Variants in CREBL2 observed in about 807,000 individuals in gnomAD.
CREBL2 encodes cAMP-responsive element-binding protein-like 2.
In CREBL2, 4 loss-of-function variants were observed where a neutral mutation model predicts 19.5. The ratio of observed to expected loss-of-function variants is 0.20; its 90% CI spans 0.10 to 0.47. The LOEUF (loss-of-function observed/expected upper bound fraction) is 0.47. Among genes scored for constraint, CREBL2 ranks in the 20% least tolerant of loss-of-function variants. The pLI is 0.98. For missense variants in CREBL2, 85 were observed against 145.1 expected (o/e 0.59, Z 2.13); for synonymous variants, 42 against 46.6 (o/e 0.90, Z 0.40).
At position 12,641,980 on chromosome 12, in the gene CREBL2, CTT is replaced by C. The variant is rs1175563094; in HGVS notation, c.359-11_359-10del. The C allele has an allele frequency of 1.3e-6, 2 of 1,541,124 alleles. No individual in the cohort carries two copies. The highest frequency in any genetic ancestry group is 1.4e-5 in the African/African-American group (1 of 72,940). ...TCTAAAAACATTCTTACATTGGTAA[CTT>C]TTATTTTTCAGGGTGAAGATTATAT... On this transcript the variant is annotated splice_polypyrimidine_tract_variant and intron_variant, in intron 3 of 3. Transcript: ENST00000228865.
chr12:12,628,934 G>GT (rs1357668899), intron 1 of CREBL2, among the ~76,000 whole-genome samples: 1 of 152,136 alleles, frequency 6.6e-6, no homozygotes, highest in Non-Finnish European at 1.5e-5. Flanking sequence ...GACCATAAAC[G>GT]TAAGGATTTA....
At chr12:12,636,060 C>A in intron 2 of CREBL2, 86 bp downstream of exon 2, 1 of 1,259,898 alleles carries the variant, frequency 7.9e-7, no homozygotes, top group Non-Finnish European at 1.1e-6. Flanking sequence ...CCAGTTATCA[C>A]CTGTCCAGTT....
At position 12,629,765 on chromosome 12, in the gene CREBL2, AT is replaced by A. The variant is rs556845626; in HGVS notation, c.16-6010del. 8.9e-4 allele frequency among the ~76,000 whole-genome samples: 136 copies of A among 152,250 alleles called. 1 individual carries two copies. Among genetic ancestry groups the A allele is most frequent in the African/African-American group, 3.2e-3 (135 of 41,570 alleles). On this transcript the variant is annotated intron_variant, in intron 1 of 3. Coordinates refer to ENST00000228865, the MANE Select transcript of CREBL2 (RefSeq NM_001310.4). Reference sequence around the variant, plus strand: ...GTTTTTTGTAGATGTCCATTATCAGATTGGGGAAGTTTCCTCCTATTTCTAG... The same window carrying A: ...GTTTTTTGTAGATGTCCATTATCAGATGGGGAAGTTTCCTCCTATTTCTAG...
At chr12:12,617,274 G>A (rs1474964056) in intron 1 of CREBL2, among the ~76,000 whole-genome samples, 1 of 152,188 alleles carries the variant, frequency 6.6e-6, no homozygotes, top group Non-Finnish European at 1.5e-5. Flanking sequence ...AAACCAGCCA[G>A]CACATACTTA....
intron 1 of CREBL2, among the ~76,000 whole-genome samples, chr12:12,619,774 C>T (rs1026010839): frequency 6.6e-6 from 1 of 152,134 alleles, no homozygotes; most frequent in East Asian, 1.9e-4. Flanking sequence ...TATCCTAAGG[C>T]GTCAAGATCC....
chr12:12,613,019 G>A (rs1945280239), intron 1 of CREBL2, among the ~76,000 whole-genome samples: 3 of 152,144 alleles, frequency 2.0e-5, no homozygotes, highest in Non-Finnish European at 2.9e-5. Context: ...TTACAGGCAT[G>A]CACCACCATG....
intron 1 of CREBL2, among the ~76,000 whole-genome samples, chr12:12,632,071 T>TC (rs1945445852): frequency 1.9e-5 from 1 of 53,074 alleles, no homozygotes; most frequent in African/African-American, 6.5e-5. Context: ...TGCCTTTCTT[T>TC]TTTTTTTTTT....
chr12:12,636,641 T>G (rs1403007900), intron 2 of CREBL2, among the ~76,000 whole-genome samples: 1 of 152,194 alleles, frequency 6.6e-6, no homozygotes, highest in Non-Finnish European at 1.5e-5. Context: ...CAGGATGGTC[T>G]CAATCTCCTG....
At chr12:12,618,481 G>A (rs1198379658) in intron 1 of CREBL2, among the ~76,000 whole-genome samples, 1 of 151,828 alleles carries the variant, frequency 6.6e-6, no homozygotes, top group South Asian at 2.1e-4. Flanking sequence ...TGGGCGGCCG[G>A]GCAGAGACGC....
intron 3 of CREBL2, among the ~76,000 whole-genome samples, chr12:12,641,265 T>TTTTTA (rs1555174986): frequency 5.3e-5 from 7 of 130,914 alleles, no homozygotes; most frequent in East Asian, 2.3e-4. Context: ...TTTTTTTTAT[T>TTTTTA]TTTTTTTTTT....
intron 1 of CREBL2, among the ~76,000 whole-genome samples, chr12:12,628,335 T>G (rs1379368444): frequency 1.3e-5 from 2 of 152,234 alleles, no homozygotes; most frequent in African/African-American, 4.8e-5. Context: ...TCTATCCAAA[T>G]CCTTGCCCCT....
intron 1 of CREBL2, among the ~76,000 whole-genome samples, chr12:12,616,101 T>A (rs952961305): frequency 1.9e-4 from 29 of 152,398 alleles, no homozygotes; most frequent in African/African-American, 6.7e-4. Flanking sequence ...CTGTTCTTTA[T>A]TTTTCCTAAC....
chr12:12,636,051 C>A, intron 2 of CREBL2, 77 bp downstream of exon 2: 1 of 1,300,046 alleles, frequency 7.7e-7, no homozygotes, highest in Non-Finnish European at 1.1e-6. Context: ...ACGAAAATAC[C>A]AGTTATCACC....
At chr12:12,613,850 T>C (rs76800010) in intron 1 of CREBL2, among the ~76,000 whole-genome samples, 1,850 of 151,338 alleles carry the variant, frequency 0.012, 36 homozygotes, top group African/African-American at 0.043. Flanking sequence ...GGTATGATAT[T>C]GGGGAAGTGG....
At chr12:12,635,204 A>C (rs1371704632) in intron 1 of CREBL2, among the ~76,000 whole-genome samples, 1 of 151,412 alleles carries the variant, frequency 6.6e-6, no homozygotes. Context: ...TAAAAACAAC[A>C]ACAAAAATAG....
intron 1 of CREBL2, among the ~76,000 whole-genome samples, chr12:12,620,768 C>T (rs1015480250): frequency 3.9e-5 from 6 of 152,162 alleles, no homozygotes; most frequent in Non-Finnish European, 8.8e-5. Context: ...CTGATATGTA[C>T]GAGGCATTGT....
chr12:12,616,365 G>T (rs556564284), intron 1 of CREBL2, among the ~76,000 whole-genome samples: 8 of 152,300 alleles, frequency 5.3e-5, no homozygotes, highest in African/African-American at 1.9e-4. Flanking sequence ...CAAGCTATCC[G>T]TGAATTACTT....
At position 12,635,761 on chromosome 12, in the gene CREBL2, C is replaced by T; in HGVS notation, c.16-16C>T. The T allele has an allele frequency of 6.3e-7, 1 of 1,595,470 alleles. No homozygotes were observed. The highest frequency in any genetic ancestry group is 1.3e-5 in the African/African-American group (1 of 74,664). ...AGAACTAAGGAAAAAATTATTTCTTCTCTCGCTTGCTGAAGGTGGTTGGAG... is the reference window on the plus strand; with the variant it reads ...AGAACTAAGGAAAAAATTATTTCTTTTCTCGCTTGCTGAAGGTGGTTGGAG... On this transcript the variant is annotated splice_polypyrimidine_tract_variant and intron_variant, in intron 1 of 3. Coordinates refer to ENST00000228865, the MANE Select transcript of CREBL2 (RefSeq NM_001310.4).
chr12:12,641,261 T>A (rs1183345577), intron 3 of CREBL2, among the ~76,000 whole-genome samples: 14 of 99,680 alleles, frequency 1.4e-4, no homozygotes, highest in South Asian at 3.8e-4. Context: ...TTATTTTTTT[T>A]TATTTTTTTT....
Sources: gnomAD v4.1 joint callset for allele counts (sites outside exome capture counted in the v4.1 genomes callset) on GRCh38, gnomAD v4.1.1 for gene constraint, MANE v1.5 for transcripts, NCBI Gene and HGNC (gene_info 2026-07-23, HGNC 2026-07-21) for gene names.